Variants in GALNTL6 observed in about 807,000 individuals in gnomAD.
GALNTL6 encodes polypeptide N-acetylgalactosaminyltransferase like 6.
In GALNTL6, 46 loss-of-function variants were observed where a neutral mutation model predicts 73.7. That is an observed-to-expected ratio of 0.62 (90% CI 0.49 to 0.80). The LOEUF (loss-of-function observed/expected upper bound fraction) is 0.80, where lower values mean the gene tolerates loss of function less well. GALNTL6 is among the 30% of genes least tolerant of loss of function. GALNTL6 has a pLI of 0.00. For missense variants in GALNTL6, 604 were observed against 755.0 expected (o/e 0.80, Z 2.34); for synonymous variants, 259 against 263.7 (o/e 0.98, Z 0.17).
intron 5 of GALNTL6, among the ~76,000 whole-genome samples, chr4:172,515,669 C>G (rs911603334): frequency 6.6e-6 from 1 of 152,210 alleles, no homozygotes; most frequent in Non-Finnish European, 1.5e-5. Flanking sequence ...AATTAACCCC[C>G]TTTCGGGCAA....
chr4:171,894,608 C>T (rs1736856078), intron 2 of GALNTL6, among the ~76,000 whole-genome samples: 1 of 152,148 alleles, frequency 6.6e-6, no homozygotes, highest in Non-Finnish European at 1.5e-5. Flanking sequence ...GCAATCCTCC[C>T]ACCTTGGCCT....
chr4:172,967,800 A>G (rs915509871), intron 10 of GALNTL6, among the ~76,000 whole-genome samples: 2 of 152,194 alleles, frequency 1.3e-5, no homozygotes, highest in African/African-American at 4.8e-5. Flanking sequence ...TTGTATCTGT[A>G]GGGTTTGATA....
intron 4 of GALNTL6, among the ~76,000 whole-genome samples, chr4:172,337,526 G>A (rs2111193805): frequency 6.6e-6 from 1 of 152,026 alleles, no homozygotes; most frequent in Admixed American, 6.5e-5. Flanking sequence ...TTTCTCTTTT[G>A]CTTAAAAAGC....
intron 10 of GALNTL6, among the ~76,000 whole-genome samples, chr4:173,006,318 G>C (rs1461615767): frequency 2.6e-5 from 4 of 152,106 alleles, no homozygotes; most frequent in African/African-American, 9.7e-5. Flanking sequence ...TGAGTTAAAT[G>C]GCCCAAGAAT....
chr4:172,174,489 C>T (rs1464140847), intron 2 of GALNTL6, among the ~76,000 whole-genome samples: 1 of 151,966 alleles, frequency 6.6e-6, no homozygotes, highest in African/African-American at 2.4e-5. Context: ...CCTCCACTTT[C>T]CAAAATTACT....
chr4:171,882,500 T>C (rs1389953937), intron 2 of GALNTL6, among the ~76,000 whole-genome samples: 1 of 152,202 alleles, frequency 6.6e-6, no homozygotes, highest in Non-Finnish European at 1.5e-5. Flanking sequence ...AAGCCAGTGA[T>C]GGATCAGTAT....
At chr4:172,388,928 A>G (rs897515539) in intron 5 of GALNTL6, among the ~76,000 whole-genome samples, 4 of 152,052 alleles carry the variant, frequency 2.6e-5, no homozygotes, top group African/African-American at 7.2e-5. Context: ...GCTGTGCTAT[A>G]TCTATATCTA....
intron 10 of GALNTL6, among the ~76,000 whole-genome samples, chr4:172,962,919 C>T (rs1579715204): frequency 6.6e-6 from 1 of 152,126 alleles, no homozygotes; most frequent in Non-Finnish European, 1.5e-5. Context: ...TGCCGCGCTT[C>T]GGTTTATTCT....
intron 2 of GALNTL6, among the ~76,000 whole-genome samples, chr4:171,817,474 T>G (rs1734552454): frequency 6.6e-6 from 1 of 151,784 alleles, no homozygotes; most frequent in Admixed American, 6.6e-5. Flanking sequence ...ATTGTACTAA[T>G]TCTGCAATCT....
chr4:171,855,308 C>T (rs1020278091), intron 2 of GALNTL6, among the ~76,000 whole-genome samples: 1 of 152,168 alleles, frequency 6.6e-6, no homozygotes, highest in African/African-American at 2.4e-5. Context: ...CAGGGAACCA[C>T]GGATCTATTT....
chr4:172,208,582 C>T (rs1736219780), intron 2 of GALNTL6, among the ~76,000 whole-genome samples: 1 of 151,956 alleles, frequency 6.6e-6, no homozygotes, highest in Non-Finnish European at 1.5e-5. Flanking sequence ...AAATACTCCG[C>T]AAAGCTGGGA....
chr4:172,248,284 C>G (rs1737727511), intron 3 of GALNTL6, among the ~76,000 whole-genome samples: 1 of 152,166 alleles, frequency 6.6e-6, no homozygotes, highest in Non-Finnish European at 1.5e-5. Context: ...TTGAAAGTTG[C>G]ATTAGTAACC....
intron 5 of GALNTL6, among the ~76,000 whole-genome samples, chr4:172,376,449 T>A (rs1469218604): frequency 8.5e-5 from 13 of 152,146 alleles, no homozygotes; most frequent in Admixed American, 8.5e-4. Flanking sequence ...GACCCTCGAC[T>A]CAGCCCAGGA....
intron 3 of GALNTL6, among the ~76,000 whole-genome samples, chr4:172,245,575 TC>T: frequency 6.6e-6 from 1 of 152,264 alleles, no homozygotes. Context: ...ACAGAGAGTC[TC>T]CCATGATTTG....
intron 2 of GALNTL6, among the ~76,000 whole-genome samples, chr4:171,837,474 T>C (rs976552085): frequency 2.0e-5 from 3 of 151,344 alleles, no homozygotes; most frequent in Non-Finnish European, 4.4e-5. Context: ...GTATTGTGGT[T>C]ATGAAGGAGA....
chr4:172,655,147 A>G (rs2111162217), intron 5 of GALNTL6, among the ~76,000 whole-genome samples: 1 of 152,314 alleles, frequency 6.6e-6, no homozygotes, highest in African/African-American at 2.4e-5. Flanking sequence ...GAATTTGAAG[A>G]AAATGTCTTT....
intron 5 of GALNTL6, among the ~76,000 whole-genome samples, chr4:172,625,405 T>C (rs1159598386): frequency 6.6e-6 from 1 of 152,056 alleles, no homozygotes; most frequent in African/African-American, 2.4e-5. Context: ...TTCCATGCTG[T>C]GTATGTACCA....
chr4:172,303,225 C>G (rs1740004006), intron 3 of GALNTL6, among the ~76,000 whole-genome samples: 1 of 152,094 alleles, frequency 6.6e-6, no homozygotes, highest in Admixed American at 6.6e-5. Context: ...GTCTTGAACT[C>G]CTGACCTTGT....
chr4:172,857,397 GC>G (rs1458303664), intron 7 of GALNTL6, among the ~76,000 whole-genome samples: 1 of 151,988 alleles, frequency 6.6e-6, no homozygotes, highest in African/African-American at 2.4e-5. Flanking sequence ...AAAGTGTGTG[GC>G]CCCCATCTGT....
Sources: allele counts gnomAD v4.1 joint callset (sites outside exome capture counted in the v4.1 genomes callset), GRCh38; gene constraint gnomAD v4.1.1; transcripts MANE v1.5; gene names NCBI Gene and HGNC (gene_info 2026-07-23, HGNC 2026-07-21).